RREB1: variants seen among roughly 807,000 people sequenced by gnomAD.
RREB1 encodes ras-responsive element-binding protein 1.
Under a neutral mutation model 117.8 loss-of-function variants are expected in RREB1, and 27 were observed. The ratio of observed to expected loss-of-function variants is 0.23; its 90% CI spans 0.17 to 0.32. RREB1 has a LOEUF of 0.32. RREB1 is among the 10% of genes least tolerant of loss of function. The pLI is 1.00. For missense variants in RREB1, 2,577 were observed against 2,378.2 expected, an observed-to-expected ratio of 1.08 and a Z score of -1.74; for synonymous variants, 1,298 against 1,026.7, an observed-to-expected ratio of 1.26 and a Z score of -5.05.
intron 9 of RREB1, among the ~76,000 whole-genome samples, chr6:7,227,247 A>G (rs1281181706): frequency 1.3e-5 from 2 of 151,662 alleles, no homozygotes; most frequent in Non-Finnish European, 2.9e-5. Flanking sequence ...CTCAAAAATA[A>G]AATAAAATTT....
chr6:7,201,768 T>C (rs1766000949), intron 6 of RREB1, among the ~76,000 whole-genome samples: 1 of 152,148 alleles, frequency 6.6e-6, no homozygotes, highest in Admixed American at 6.5e-5. Context: ...ATTCTTCCTT[T>C]TCATGCTTAT....
chr6:7,244,370 C>T (rs901589798), intron 11 of RREB1, among the ~76,000 whole-genome samples: 3 of 151,308 alleles, frequency 2.0e-5, no homozygotes, highest in East Asian at 3.9e-4. Flanking sequence ...CCCAGGAGTT[C>T]GAGACCAGCC....
chr6:7,123,229 C>T (rs1001435513), intron 1 of RREB1, among the ~76,000 whole-genome samples: 56 of 152,060 alleles, frequency 3.7e-4, no homozygotes, highest in African/African-American at 1.3e-3. Context: ...GCAATCTCGT[C>T]TCACTGCAAC....
At chr6:7,196,897 C>T (rs899421066) in intron 6 of RREB1, among the ~76,000 whole-genome samples, 2 of 152,278 alleles carry the variant, frequency 1.3e-5, no homozygotes, top group African/African-American at 4.8e-5. Flanking sequence ...GAGTAGGTTA[C>T]CATCAAGTAC....
chr6:7,231,282 G>A lies in RREB1; in HGVS notation c.3183G>A (p.Glu1061=). The change falls in exon 10 of 13, where the codon GAG becomes GAA. Residue 1061 remains glutamate, a synonymous_variant. Transcript: ENST00000379938. ...TGCCAAAGCCCCCCGTGACAGAAGAGCTGCCCCCGCTGGCCTCCATTGCCC... is the reference window on the plus strand; with the variant it reads ...TGCCAAAGCCCCCCGTGACAGAAGAACTGCCCCCGCTGGCCTCCATTGCCC... The part of the protein sequence containing the change: ...LLLPKPPVTE[E]LPPLASIAQI... 1.9e-6 allele frequency: 3 copies of A among 1,609,206 alleles called. No individual in the cohort carries two copies. Among genetic ancestry groups the A allele is most frequent in the Non-Finnish European group, 2.5e-6 (3 of 1,177,452 alleles).
chr6:7,227,829 G>A (rs564343322), intron 9 of RREB1, among the ~76,000 whole-genome samples: 1 of 152,298 alleles, frequency 6.6e-6, no homozygotes, highest in South Asian at 2.1e-4. Context: ...ACTTTGGGAG[G>A]CCAAGGCAAG....
At position 7,250,615 on chromosome 6, in the gene RREB1, C is replaced by T. The variant is rs1272345678; in HGVS notation, c.*1647C>T. On this transcript the variant is annotated 3_prime_UTR_variant, in exon 13 of 13. Coordinates refer to ENST00000379938, the MANE Select transcript of RREB1 (RefSeq NM_001003699.4). The stretch of plus-strand genomic sequence containing the variant: ...CCTCTTGCCTTCCCCTGGGGAGGCA[C>T]CCCTGTACCCCAGCTTCCTTCCCCT... 1 of 152,038 alleles carries T rather than the reference C, an allele frequency of 6.6e-6. No individual in the cohort carries two copies. The highest frequency in any genetic ancestry group is 6.5e-5 in the Admixed American group (1 of 15,268). The allele number at this position is 152,038 out of a possible 1,614,324, so 9.4% of individuals were successfully genotyped here.
chr6:7,189,079 A>G, intron 5 of RREB1, 80 bp from the exon 6 acceptor site: 2 of 1,354,390 alleles, frequency 1.5e-6, no homozygotes, highest in Non-Finnish European at 2.0e-6. Context: ...TTTTTAATAA[A>G]GCTCTGGATC....
At position 7,236,733 on chromosome 6, in the gene RREB1, G is replaced by T. The variant is rs1281988738; in HGVS notation, c.3809-3705G>T. ...AATGAACAGAAATGTTTTCAGTTCTGTTTTTTTTTTTTTTTATCTTGGAGG... is the reference window on the plus strand; with the variant it reads ...AATGAACAGAAATGTTTTCAGTTCTTTTTTTTTTTTTTTTTATCTTGGAGG... On this transcript the variant is annotated intron_variant, in intron 10 of 12. Transcript: ENST00000379938. 1.0e-4 allele frequency among the ~76,000 whole-genome samples: 14 copies of T among 136,206 alleles called. 1 individual carries two copies. Among genetic ancestry groups the T allele is most frequent in the East Asian group, 6.4e-4 (3 of 4,660 alleles). 89.4% of individuals were successfully genotyped at this position (136,206 alleles called of 152,430 possible). A position where few individuals can be genotyped will look rare whatever the true frequency, so the allele number is the denominator to read the frequency against.
intron 1 of RREB1, among the ~76,000 whole-genome samples, chr6:7,156,460 T>G (rs951418305): frequency 1.3e-5 from 2 of 152,206 alleles, no homozygotes; most frequent in Non-Finnish European, 2.9e-5. Flanking sequence ...TGATGTGCTT[T>G]TTGCCTCTTA....
chr6:7,230,270 A>C lies in RREB1; in HGVS notation c.2171A>C (p.Lys724Thr). The C allele has an allele frequency of 6.3e-7, 1 of 1,599,518 alleles. No individual in the cohort carries two copies. ...CERHLRKKHL[K>T]ATRKDIEKNI... ...CGGCACCTGCGCAAGAAGCACCTCA[A>C]GGCCACCCGCAAGGATATCGAGAAG... The change falls in exon 10 of 13, where the codon AAG becomes ACG. Residue 724 changes from lysine to threonine, a missense_variant. By Grantham distance (78) the Lys-to-Thr change is moderately conservative. Transcript: ENST00000379938.
At chr6:7,110,252 C>A (rs1033698786) in intron 1 of RREB1, among the ~76,000 whole-genome samples, 1 of 152,200 alleles carries the variant, frequency 6.6e-6, no homozygotes, top group South Asian at 2.1e-4. Flanking sequence ...CCATGAAAAT[C>A]ATCCTCTAGA....
At chr6:7,178,329 TTGAG>T (rs1454311395) in intron 2 of RREB1, among the ~76,000 whole-genome samples, 1 of 152,198 alleles carries the variant, frequency 6.6e-6, no homozygotes, top group Admixed American at 6.6e-5. Context: ...TTCCCCGAGA[TTGAG>T]TATCAGAGGG....
In RREB1 at chr6:7,229,137, A is replaced by G. The variant is rs749360071; in HGVS notation, c.1038A>G (p.Glu346=). The G allele has an allele frequency of 1.2e-5, 19 of 1,609,256 alleles. No individual in the cohort carries two copies. In the African/African-American group the frequency reaches 1.5e-4, roughly 12 times the overall value. Residue 346 remains glutamate (E), a synonymous_variant, in exon 10 of 13, where the codon GAA becomes GAG. Transcript: ENST00000379938. The surrounding 1 kb of genome is among the most constrained non-coding windows in gnomAD (Gnocchi z 4.5). ...QTHVAADQGQ[E]KPQATPLPGD... The stretch of plus-strand genomic sequence containing the variant: ...ATGTGGCGGCAGACCAGGGTCAAGA[A>G]AAGCCGCAGGCCACGCCCCTGCCTG...
At chr6:7,136,052 C>G (rs1762339786) in intron 1 of RREB1, among the ~76,000 whole-genome samples, 1 of 152,168 alleles carries the variant, frequency 6.6e-6, no homozygotes, top group Non-Finnish European at 1.5e-5. Flanking sequence ...CTGTTGGTCT[C>G]AGCTGAGTGA....
intron 2 of RREB1, among the ~76,000 whole-genome samples, chr6:7,179,824 A>C (rs1480744142): frequency 6.6e-6 from 1 of 151,932 alleles, no homozygotes; most frequent in African/African-American, 2.4e-5. Flanking sequence ...AATTTTAAAA[A>C]ATCTTTTGTA....
intron 6 of RREB1, among the ~76,000 whole-genome samples, chr6:7,192,799 C>T (rs577638011): frequency 6.6e-6 from 1 of 152,184 alleles, no homozygotes; most frequent in African/African-American, 2.4e-5. Context: ...AATTACTGTT[C>T]TAAACATTAT....
At chr6:7,162,780 C>T (rs887197492) in intron 1 of RREB1, among the ~76,000 whole-genome samples, 8 of 152,122 alleles carry the variant, frequency 5.3e-5, no homozygotes, top group African/African-American at 1.7e-4. Flanking sequence ...AAGGATGGGC[C>T]TACAACTCCA....
At chr6:7,150,553 A>G (rs1467371813) in intron 1 of RREB1, among the ~76,000 whole-genome samples, 4 of 150,580 alleles carry the variant, frequency 2.7e-5, no homozygotes, top group East Asian at 1.9e-4. Flanking sequence ...CTCTTGTTGT[A>G]TAGACATTGG....
Sources: allele counts gnomAD v4.1 joint callset (sites outside exome capture counted in the v4.1 genomes callset), GRCh38; gene constraint gnomAD v4.1.1; non-coding constraint Gnocchi (gnomAD v3.1); transcripts MANE v1.5; gene names NCBI Gene and HGNC (gene_info 2026-07-23, HGNC 2026-07-21).